The following GLRA3 variants were observed in gnomAD, a reference collection of about 807,000 sequenced individuals.
The protein encoded by GLRA3 is glycine receptor subunit alpha-3.
GLRA3 carries 44 observed loss-of-function variants against 60.4 expected under a neutral mutation model. That is an observed-to-expected ratio of 0.73 (90% CI 0.57 to 0.94). The LOEUF (loss-of-function observed/expected upper bound fraction) is 0.94, where lower values mean the gene tolerates loss of function less well. GLRA3 is among the 40% of genes least tolerant of loss of function. GLRA3 has a pLI of 0.00. For missense variants in GLRA3, 508 were observed against 564.6 expected (o/e 0.90, Z 1.02); for synonymous variants, 223 against 192.9 (o/e 1.16, Z -1.29).
intron 2 of GLRA3, among the ~76,000 whole-genome samples, chr4:174,786,688 T>A (rs1202226502): frequency 6.6e-6 from 1 of 152,200 alleles, no homozygotes; most frequent in Non-Finnish European, 1.5e-5. Flanking sequence ...GTCAATAATG[T>A]TTGACCTTTG....
At chr4:174,704,266 C>A (rs1366313898) in intron 5 of GLRA3, among the ~76,000 whole-genome samples, 1 of 143,444 alleles carries the variant, frequency 7.0e-6, no homozygotes, top group Non-Finnish European at 1.5e-5. Context: ...TGCACTCCAG[C>A]GCGGGCAACA....
chr4:174,808,266 T>C (rs1228243888), intron 1 of GLRA3, among the ~76,000 whole-genome samples: 1 of 152,092 alleles, frequency 6.6e-6, no homozygotes, highest in Non-Finnish European at 1.5e-5. Context: ...CGTAACGACA[T>C]TTTGGCCAAT....
In GLRA3 at chr4:174,643,268, T is replaced by C. The variant is rs1732682288; in HGVS notation, c.*518A>G. On this transcript the variant is annotated 3_prime_UTR_variant, in exon 10 of 10. Transcript: ENST00000274093. ...TTAAAAATTTTCAAAATTACATATG[T>C]TGTTTAAATAGTATTTATATGTACA... 1.6e-6 allele frequency: 1 copy of C among 626,712 alleles called. No individual in the cohort carries two copies. Among genetic ancestry groups the C allele is most frequent in the East Asian group, 1.4e-4 (1 of 6,966 alleles). The allele number at this position is 626,712 out of a possible 1,614,324, so 38.8% of individuals were successfully genotyped here. A position where few individuals can be genotyped will look rare whatever the true frequency, so the allele number is the denominator to read the frequency against.
At chr4:174,816,734 T>A (rs1417927512) in intron 1 of GLRA3, among the ~76,000 whole-genome samples, 1 of 151,914 alleles carries the variant, frequency 6.6e-6, no homozygotes, top group Non-Finnish European at 1.5e-5. Context: ...GTTTTGCCCC[T>A]CTTCACTGAT....
chr4:174,652,554 A>G (rs993851411), intron 9 of GLRA3, among the ~76,000 whole-genome samples: 1 of 149,418 alleles, frequency 6.7e-6, no homozygotes, highest in African/African-American at 2.5e-5. Flanking sequence ...TTACAGGAGT[A>G]TCTTTTTTCT....
At chr4:174,653,441 A>T (rs959092380) in intron 9 of GLRA3, among the ~76,000 whole-genome samples, 24 of 151,986 alleles carry the variant, frequency 1.6e-4, no homozygotes, top group African/African-American at 5.8e-4. Context: ...AATCGTTAAT[A>T]TAAAATTATT....
chr4:174,805,552 C>T (rs6820174), intron 1 of GLRA3, among the ~76,000 whole-genome samples: 17,577 of 152,054 alleles, frequency 0.12, 1,138 homozygotes, highest in Non-Finnish European at 0.14. Context: ...TCAAGACTTC[C>T]TCTGACTTGA....
chr4:174,756,728 T>C (rs1283436227), intron 3 of GLRA3, among the ~76,000 whole-genome samples: 1 of 151,036 alleles, frequency 6.6e-6, no homozygotes, highest in East Asian at 2.0e-4. Flanking sequence ...CACTGCAAGC[T>C]CCGCCTCCCG....
intron 3 of GLRA3, among the ~76,000 whole-genome samples, chr4:174,763,466 G>C (rs578154897): frequency 2.0e-4 from 31 of 152,264 alleles, no homozygotes; most frequent in African/African-American, 7.5e-4. Context: ...CTTTTGTTCT[G>C]TGGACACCCT....
intron 1 of GLRA3, among the ~76,000 whole-genome samples, chr4:174,827,123 C>T (rs1741005900): frequency 6.6e-6 from 1 of 151,620 alleles, no homozygotes; most frequent in African/African-American, 2.4e-5. Flanking sequence ...TTTTGGGCTT[C>T]TCATAAAATT....
intron 3 of GLRA3, among the ~76,000 whole-genome samples, chr4:174,761,410 A>G (rs182036423): frequency 2.6e-5 from 4 of 152,250 alleles, no homozygotes; most frequent in Admixed American, 2.6e-4. Context: ...AGGTTTGGAC[A>G]CTTCTGTGAG....
chr4:174,681,036 T>C (rs115113219), intron 6 of GLRA3, among the ~76,000 whole-genome samples: 2,049 of 152,300 alleles, frequency 0.013, 39 homozygotes, highest in African/African-American at 0.046. Flanking sequence ...CTCTATGAGA[T>C]GCTTTTATTC....
At chr4:174,730,223 A>G (rs991803724) in intron 3 of GLRA3, among the ~76,000 whole-genome samples, 1 of 152,174 alleles carries the variant, frequency 6.6e-6, no homozygotes, top group Non-Finnish European at 1.5e-5. Flanking sequence ...AGCCTAGAAT[A>G]GGTCATCTTC....
Position 174,670,296 on chromosome 4 carries a change from T to C in GLRA3, c.927+6782A>G, listed in dbSNP as rs866057957. On this transcript the variant is annotated intron_variant, in intron 7 of 9. Coordinates refer to ENST00000274093, the MANE Select transcript of GLRA3 (RefSeq NM_006529.4). ...TAGCATCATTTTTATTGTAATCATA[T>C]AAGTTCCTATTCCCTTTTCCTCTGG... Among the ~76,000 whole-genome samples, 4 of 152,202 alleles carry C rather than the reference T, an allele frequency of 2.6e-5. No individual in the cohort carries two copies. In the South Asian group the frequency reaches 6.2e-4, roughly 24 times the overall value.
intron 5 of GLRA3, among the ~76,000 whole-genome samples, chr4:174,714,738 A>T (rs1291187002): frequency 1.3e-5 from 2 of 152,188 alleles, no homozygotes; most frequent in African/African-American, 4.8e-5. Flanking sequence ...AATATTGCAT[A>T]TTGCTTAATT....
intron 2 of GLRA3, among the ~76,000 whole-genome samples, chr4:174,767,730 A>G (rs1415679239): frequency 6.6e-6 from 1 of 151,842 alleles, no homozygotes; most frequent in Non-Finnish European, 1.5e-5. Flanking sequence ...GCAGTTTACA[A>G]CTCTACCTTA....
At chr4:174,719,022 G>A (rs545693560) in intron 4 of GLRA3, among the ~76,000 whole-genome samples, 3 of 140,604 alleles carry the variant, frequency 2.1e-5, no homozygotes, top group African/African-American at 7.9e-5. Flanking sequence ...GAGTGCAGTG[G>A]CGCAATCTCG....
chr4:174,810,962 G>A (rs1740245016), intron 1 of GLRA3, among the ~76,000 whole-genome samples: 1 of 152,100 alleles, frequency 6.6e-6, no homozygotes, highest in African/African-American at 2.4e-5. Flanking sequence ...TTCTGGGAAG[G>A]GATAGTCTTT....
chr4:174,822,218 C>T (rs535603266), intron 1 of GLRA3, among the ~76,000 whole-genome samples: 1 of 152,286 alleles, frequency 6.6e-6, no homozygotes, highest in Admixed American at 6.5e-5. Flanking sequence ...TTGCTCCATA[C>T]ATTATTATAG....
Sources: gnomAD v4.1 joint callset for allele counts (sites outside exome capture counted in the v4.1 genomes callset) on GRCh38, gnomAD v4.1.1 for gene constraint, MANE v1.5 for transcripts, NCBI Gene and HGNC (gene_info 2026-07-23, HGNC 2026-07-21) for gene names.